TRABD2A: variants seen among roughly 807,000 people sequenced by gnomAD.
The protein encoded by TRABD2A is metalloprotease TIKI1.
Under a neutral mutation model 45.6 loss-of-function variants are expected in TRABD2A, and 43 were observed. The observed-to-expected ratio is 0.94, with a 90% CI of 0.74 to 1.22. The LOEUF (loss-of-function observed/expected upper bound fraction) is 1.22. Ranked by LOEUF, TRABD2A falls within the 50% of genes most tolerant of loss-of-function variation. The pLI is 0.00. For synonymous variants in TRABD2A, 269 were observed against 265.0 expected (o/e 1.02, Z -0.15); for missense variants, 642 against 652.4 (o/e 0.98, Z 0.17).
chr2:84,840,537 G>A (rs1681675265), intron 3 of TRABD2A, among the ~76,000 whole-genome samples: 1 of 152,208 alleles, frequency 6.6e-6, no homozygotes, highest in Admixed American at 6.5e-5. Context: ...GGCCCTGTGG[G>A]CAGAACAGAT....
At chr2:84,872,880 C>T (rs1047136414) in intron 1 of TRABD2A, among the ~76,000 whole-genome samples, 1 of 151,970 alleles carries the variant, frequency 6.6e-6, no homozygotes, top group Admixed American at 6.6e-5. Flanking sequence ...TTCGGGAGGC[C>T]GAGGCGGGGG....
At chr2:84,855,646 C>G (rs1682272665) in intron 2 of TRABD2A, among the ~76,000 whole-genome samples, 3 of 152,014 alleles carry the variant, frequency 2.0e-5, no homozygotes, top group Admixed American at 2.0e-4. Context: ...GCCCCCACGT[C>G]CCCCTTTCCA....
rs1553512999 is a variant in TRABD2A, at chr2:84,839,250, C to T, written c.890G>A (p.Arg297His). 11 of 1,613,732 alleles carry T rather than the reference C, an allele frequency of 6.8e-6. No individual in the cohort carries two copies. The highest frequency in any genetic ancestry group is 3.3e-5 in the Admixed American group (2 of 59,980). ...ITAQEIDSYL[R>H]RELIYKRNER... ...ATTCCGCTTGTAGATCAGCTCCCGGCGTAAGTAGCTGTCAATCTCCTGAGC... is the reference window on the plus strand; with the variant it reads ...ATTCCGCTTGTAGATCAGCTCCCGGTGTAAGTAGCTGTCAATCTCCTGAGC... The change falls in exon 4 of 7, where the codon CGC (arginine) becomes CAC (histidine). Residue 297 changes from arginine to histidine, a missense_variant. Arg to His is a conservative substitution (Grantham distance 29). Transcript: ENST00000409520.
chr2:84,876,371 A>C (rs1009019014), intron 1 of TRABD2A, among the ~76,000 whole-genome samples: 2 of 152,236 alleles, frequency 1.3e-5, no homozygotes, highest in African/African-American at 4.8e-5. Context: ...AGCAGCTAGC[A>C]AGGGAGAATG....
Position 84,863,597 on chromosome 2 carries a change from C to CTTTTTTTTTTTT in TRABD2A, c.669+6616_669+6627dup, listed in dbSNP as rs55952015. ...CTTAGAAAGGCTCTATTCAAATTTT[C>CTTTTTTTTTTTT]TTTTTTTTTTTTTTTTTTTTTTTTG... On this transcript the variant is annotated intron_variant, in intron 2 of 6. Coordinates refer to ENST00000409520, the MANE Select transcript of TRABD2A (RefSeq NM_001277053.2). 2.1e-3 allele frequency among the ~76,000 whole-genome samples: 162 copies of CTTTTTTTTTTTT among 78,130 alleles called. 1 individual carries two copies. Among genetic ancestry groups the CTTTTTTTTTTTT allele is most frequent in the African/African-American group, 2.2e-3 (46 of 20,490 alleles). 51.3% of individuals were successfully genotyped at this position (78,130 alleles called of 152,430 possible). A position where few individuals can be genotyped will look rare whatever the true frequency, so the allele number is the denominator to read the frequency against.
chr2:84,824,206 T>C lies in TRABD2A; in HGVS notation c.1083-2A>G. Reference sequence around the variant, plus strand: ...GTGGAGGTCTTTTTACTCTTCCCTCTGTACGCAAGTGGAAGGAGAAGGTAT... The same window carrying C: ...GTGGAGGTCTTTTTACTCTTCCCTCCGTACGCAAGTGGAAGGAGAAGGTAT... On this transcript the variant is annotated splice_acceptor_variant, in intron 5 of 6. Coordinates refer to ENST00000409520, the MANE Select transcript of TRABD2A (RefSeq NM_001277053.2). LOFTEE classifies it high-confidence loss of function. 6.2e-7 allele frequency: 1 copy of C among 1,613,708 alleles called. No individual in the cohort carries two copies. The highest frequency in any genetic ancestry group is 1.7e-5 in the Admixed American group (1 of 59,958).
At chr2:84,846,364 C>T (rs747649871) in intron 2 of TRABD2A, among the ~76,000 whole-genome samples, 2 of 152,164 alleles carry the variant, frequency 1.3e-5, no homozygotes, top group African/African-American at 2.4e-5. Context: ...CTTATTTATA[C>T]CCCAACTACT....
chr2:84,871,008 G>C (rs1200004077), intron 1 of TRABD2A, among the ~76,000 whole-genome samples: 2 of 152,044 alleles, frequency 1.3e-5, no homozygotes, highest in Non-Finnish European at 2.9e-5. Context: ...TTTCAACCTT[G>C]GCTGTATGTT....
At chr2:84,824,309 T>C (rs1276052433) in intron 5 of TRABD2A, 105 bp from the exon 6 acceptor site, 14 of 1,480,248 alleles carry the variant, frequency 9.5e-6, no homozygotes, top group East Asian at 2.4e-5. Context: ...GCAGATAACC[T>C]GAAAGTTCAA....
At position 84,830,761 on chromosome 2, in the gene TRABD2A, C is replaced by T. The variant is rs1214477226; in HGVS notation, c.1082+1294G>A. ...AAGTCCAGGATGTATCCAGGATTTC[C>T]CGCCTGAAGGGAGACTGGCAGGAGC... is the stretch of plus-strand genomic sequence containing the variant. On this transcript the variant is annotated intron_variant, in intron 5 of 6. Coordinates refer to ENST00000409520, the MANE Select transcript of TRABD2A (RefSeq NM_001277053.2). This position sits in a 1 kb window ranked among gnomAD's most constrained non-coding sequence, Gnocchi z 4.9. Among the ~76,000 whole-genome samples, 1 of 152,090 alleles carries T rather than the reference C, an allele frequency of 6.6e-6. No homozygotes were observed. Among genetic ancestry groups the T allele is most frequent in the Non-Finnish European group, 1.5e-5 (1 of 67,998 alleles).
At chr2:84,851,916 G>T (rs1023977524) in intron 2 of TRABD2A, among the ~76,000 whole-genome samples, 4 of 152,156 alleles carry the variant, frequency 2.6e-5, no homozygotes, top group African/African-American at 4.8e-5. Context: ...CCGTTAATTT[G>T]CTCCATCTCA....
chr2:84,876,859 T>C (rs1456563591), intron 1 of TRABD2A, among the ~76,000 whole-genome samples: 2 of 152,156 alleles, frequency 1.3e-5, no homozygotes, highest in Non-Finnish European at 2.9e-5. Context: ...AGGTGCCACC[T>C]TTCCCATTTT....
In TRABD2A at chr2:84,870,440, G is replaced by A. The variant is rs1303867525; in HGVS notation, c.454C>T (p.Leu152Phe). The A allele has an allele frequency of 6.2e-7, 1 of 1,614,068 alleles. No homozygotes were observed. Among genetic ancestry groups the A allele is most frequent in the Admixed American group, 1.7e-5 (1 of 60,032 alleles). The change falls in exon 2 of 7, where the codon CTC (leucine) becomes TTC (phenylalanine). Residue 152 changes from leucine (L) to phenylalanine (F), a missense_variant. Transcript: ENST00000409520. ...QRGKGLYADY[L>F]FNAIAGNWER... ...CAGTTTCCGGCAATAGCATTGAAGAGGTAGTCTGCGTAGAGCCCCTTGCCG... is the reference window on the plus strand; with the variant it reads ...CAGTTTCCGGCAATAGCATTGAAGAAGTAGTCTGCGTAGAGCCCCTTGCCG...
At chr2:84,870,120 A>G in intron 2 of TRABD2A, 105 bp downstream of exon 2, 1 of 1,203,862 alleles carries the variant, frequency 8.3e-7, no homozygotes, top group Non-Finnish European at 1.2e-6. Context: ...AGCAAAGACA[A>G]TTTCTAGACA....
At chr2:84,823,733 C>G (rs946480301) in intron 6 of TRABD2A, among the ~76,000 whole-genome samples, 6 of 152,186 alleles carry the variant, frequency 3.9e-5, no homozygotes, top group African/African-American at 1.2e-4. Flanking sequence ...TGTTCTTTAA[C>G]AAGCATAAAC....
chr2:84,822,064 G>C lies in TRABD2A; in HGVS notation c.1371C>G (p.Asp457Glu). The C allele has an allele frequency of 6.3e-7, 1 of 1,588,096 alleles. No individual in the cohort carries two copies. The highest frequency in any genetic ancestry group is 8.6e-7 in the Non-Finnish European group (1 of 1,167,282). ...GCCGCAGTTCAGTGGAGATGTGCCT[G>C]TCCAGGACAGGGACCTGGAGTTGCG... ...IVPQLQVPVLDRHISTELRLP... is the reference protein window; with the variant it reads ...IVPQLQVPVLERHISTELRLP... The change falls in exon 7 of 7, where the codon GAC (aspartate) becomes GAG (glutamate). Residue 457 changes from aspartate (D) to glutamate (E), a missense_variant. By Grantham distance (45) the Asp-to-Glu change is conservative. Transcript: ENST00000409520.
chr2:84,876,468 C>T (rs79522434), intron 1 of TRABD2A, among the ~76,000 whole-genome samples: 2,185 of 152,226 alleles, frequency 0.014, 49 homozygotes, highest in African/African-American at 0.05. Flanking sequence ...AGTAAGCAAG[C>T]GGGTTAAATG....
chr2:84,821,945 G>A lies in TRABD2A; in HGVS notation c.1490C>T (p.Ala497Val). ...CAGGAGGGGTGTCTCTGTTTGGAAA[G>A]CCAGCACCAGCACCCAGAACACAGG... is the stretch of plus-strand genomic sequence containing the variant. ...WTPVFWVLVLAFQTETPLL is the reference protein window; with the variant it reads ...WTPVFWVLVLVFQTETPLL Residue 497 changes from alanine (A) to valine (V), a missense_variant, in exon 7 of 7, where the codon GCT becomes GTT. Ala to Val is a moderately conservative substitution (Grantham distance 64, BLOSUM62 0). Transcript: ENST00000409520. The A allele has an allele frequency of 6.2e-7, 1 of 1,603,854 alleles. No homozygotes were observed. Among genetic ancestry groups the A allele is most frequent in the South Asian group, 1.1e-5 (1 of 88,572 alleles).
At chr2:84,877,725 A>T (rs1339334144) in intron 1 of TRABD2A, among the ~76,000 whole-genome samples, 1 of 152,192 alleles carries the variant, frequency 6.6e-6, no homozygotes, top group Admixed American at 6.5e-5. Flanking sequence ...GTGAAAAAGA[A>T]CAAGGCACAA....
Sources: gnomAD v4.1 joint callset for allele counts (sites outside exome capture counted in the v4.1 genomes callset) on GRCh38, gnomAD v4.1.1 for gene constraint, Gnocchi (gnomAD v3.1) non-coding constraint, MANE v1.5 for transcripts, NCBI Gene and HGNC (gene_info 2026-07-23, HGNC 2026-07-21) for gene names.